TMPRSS11F: variants seen among roughly 807,000 people sequenced by gnomAD.
The protein encoded by TMPRSS11F is transmembrane protease serine 11F.
A neutral mutation model predicts 60.2 loss-of-function variants in TMPRSS11F; 47 were observed. The observed-to-expected ratio is 0.78, with a 90% CI of 0.62 to 1.00. The LOEUF is 1.00. TMPRSS11F is among the 50% of genes least tolerant of loss of function. The pLI, the probability that TMPRSS11F is intolerant of heterozygous loss-of-function variation, is 0.00. For synonymous variants in TMPRSS11F, 166 were observed against 167.3 expected (o/e 0.99, Z 0.06); for missense variants, 519 against 522.9 (o/e 0.99, Z 0.07).
intron 3 of TMPRSS11F, among the ~76,000 whole-genome samples, chr4:68,085,769 A>G (rs11939590): frequency 0.29 from 44,187 of 152,008 alleles, 6,499 homozygotes; most frequent in East Asian, 0.49. Context: ...CAAGAACGGT[A>G]AAGAAGGAAA....
chr4:68,115,055 A>G (rs1277789374), intron 1 of TMPRSS11F, among the ~76,000 whole-genome samples: 1 of 151,018 alleles, frequency 6.6e-6, no homozygotes, highest in Non-Finnish European at 1.5e-5. Context: ...TAGGGATAGA[A>G]GAAAAGTTTC....
intron 3 of TMPRSS11F, among the ~76,000 whole-genome samples, chr4:68,082,408 C>A (rs73825372): frequency 2.0e-5 from 3 of 152,196 alleles, no homozygotes; most frequent in African/African-American, 7.2e-5. Flanking sequence ...AGGCTCTCCC[C>A]CTTCCTCCAA....
At chr4:68,093,244 T>A (rs1330335649) in intron 2 of TMPRSS11F, among the ~76,000 whole-genome samples, 1 of 152,150 alleles carries the variant, frequency 6.6e-6, no homozygotes, top group East Asian at 1.9e-4. Flanking sequence ...GAAGTAAAAA[T>A]AATAGTATAC....
At position 68,102,873 on chromosome 4, in the gene TMPRSS11F, C is replaced by T. The variant is rs987000302; in HGVS notation, c.12-3835G>A. 6.6e-5 allele frequency among the ~76,000 whole-genome samples: 10 copies of T among 151,906 alleles called. No homozygotes were observed. In the East Asian group the frequency reaches 9.7e-4, roughly 15 times the overall value. On this transcript the variant is annotated intron_variant, in intron 1 of 9. Coordinates refer to ENST00000356291, the MANE Select transcript of TMPRSS11F (RefSeq NM_207407.2). ...TGTGGGTTGAGCTTTTGGTGTGATA[C>T]CCAAAAAATCACTGCCAAGGCCAAT...
chr4:68,085,084 A>G (rs1577921714), intron 3 of TMPRSS11F, among the ~76,000 whole-genome samples: 1 of 129,264 alleles, frequency 7.7e-6, no homozygotes, highest in Non-Finnish European at 1.6e-5. Flanking sequence ...TTATGGCTGC[A>G]TAGTATTCCA....
At chr4:68,058,569 C>A (rs1013188754) in intron 9 of TMPRSS11F, among the ~76,000 whole-genome samples, 4 of 152,186 alleles carry the variant, frequency 2.6e-5, no homozygotes, top group African/African-American at 9.7e-5. Context: ...TGTCTTCCTT[C>A]ATGAAGCTTA....
rs1205575804 is a variant in TMPRSS11F at position 68,064,935 on chromosome 4, G to T, written c.765C>A (p.Asp255Glu). 4 of 1,609,834 alleles carry T rather than the reference G, an allele frequency of 2.5e-6. No homozygotes were observed. The highest frequency in any genetic ancestry group is 3.4e-6 in the Non-Finnish European group (4 of 1,178,416). Residue 255 changes from aspartate to glutamate, a missense_variant, in exon 8 of 10, where the codon GAC becomes GAA. Physicochemically the swap from Asp to Glu is conservative, Grantham distance 45. Coordinates refer to ENST00000356291, the MANE Select transcript of TMPRSS11F (RefSeq NM_207407.2). ...CAAAAGTAGCAATCCATTGAGTTGGGTCTTTATTTCTGCAAAAAATTAAAA... is the reference window on the plus strand; with the variant it reads ...CAAAAGTAGCAATCCATTGAGTTGGTTCTTTATTTCTGCAAAAAATTAAAA... ...TAAHCFWKNKDPTQWIATFGA... is the reference protein window; with the variant it reads ...TAAHCFWKNKEPTQWIATFGA...
In TMPRSS11F at chr4:68,072,435, T is replaced by C. The variant is rs1339093970; in HGVS notation, c.402A>G (p.Pro134=). ...DILIVLIFRY[P]STDSAEQIKK... The stretch of plus-strand genomic sequence containing the variant: ...TGATTTGTTCAGCACTATCAGTAGA[T>C]GGGTATCGAAATATGAGCACTATAA... Residue 134 remains proline (P), a synonymous_variant, in exon 5 of 10, where the codon CCA becomes CCG. Transcript: ENST00000356291. The C allele has an allele frequency of 4.4e-6, 7 of 1,589,150 alleles. No homozygotes were observed. In the South Asian group the frequency reaches 8.0e-5, roughly 18 times the overall value.
Position 68,064,902 on chromosome 4 carries a change from A to G in TMPRSS11F, c.798T>C (p.Thr266=), listed in dbSNP as rs1443727938. 1 of 1,613,926 alleles carries G rather than the reference A, an allele frequency of 6.2e-7. No homozygotes were observed. The highest frequency in any genetic ancestry group is 1.3e-5 in the African/African-American group (1 of 74,944). ...PTQWIATFGA[T]ITPPAVKRNV... ...TTCGTTTCACTGCGGGTGGTGTTAT[A>G]GTTGCACCAAAAGTAGCAATCCATT... is the stretch of plus-strand genomic sequence containing the variant. Residue 266 remains threonine, a synonymous_variant, in exon 8 of 10, where the codon ACT becomes ACC. Transcript: ENST00000356291.
chr4:68,079,151 C>G (rs12501540), intron 3 of TMPRSS11F, among the ~76,000 whole-genome samples: 32,875 of 149,204 alleles, frequency 0.22, 4,033 homozygotes, highest in Admixed American at 0.38. Flanking sequence ...TGGACTGATT[C>G]TTTTGTTTAA....
Position 68,065,019 on chromosome 4 carries a change from C to T in TMPRSS11F, c.756-75G>A, listed in dbSNP as rs113859944. Reference sequence around the variant, plus strand: ...AAAAAGACTGAGACTGTATTTCTTCCCAACTGTCAGTATTATGCTCCTGAA... The same window carrying T: ...AAAAAGACTGAGACTGTATTTCTTCTCAACTGTCAGTATTATGCTCCTGAA... On this transcript the variant is annotated intron_variant, in intron 7 of 9. Transcript: ENST00000356291. The T allele has an allele frequency of 9.9e-4, 1,408 of 1,421,764 alleles. 15 individuals carry two copies. In the African/African-American group the frequency reaches 0.018, roughly 18 times the overall value. The allele number at this position is 1,421,764 out of a possible 1,614,324, so 88.1% of individuals were successfully genotyped here.
intron 2 of TMPRSS11F, among the ~76,000 whole-genome samples, chr4:68,092,592 T>G (rs1003341631): frequency 3.9e-5 from 6 of 152,170 alleles, no homozygotes; most frequent in Non-Finnish European, 7.4e-5. Flanking sequence ...TTAATCAATA[T>G]TTACCAAGTT....
chr4:68,059,357 C>A lies in TMPRSS11F; in HGVS notation c.1127G>T (p.Gly376Val). Residue 376 changes from glycine to valine, a missense_variant, in exon 9 of 10, where the codon GGA (glycine) becomes GTA (valine). By Grantham distance (109) the Gly-to-Val change is moderately radical. Transcript: ENST00000356291. ...GLITPGMLCA[G>V]FMEGKIDACK... ...TGCATCTATTTTTCCTTCCATGAAT[C>A]CAGCACATAACATTCCTGGAGTTAT... is the stretch of plus-strand genomic sequence containing the variant. 6.2e-7 allele frequency: 1 copy of A among 1,613,662 alleles called. No individual in the cohort carries two copies. Among genetic ancestry groups the A allele is most frequent in the Non-Finnish European group, 8.5e-7 (1 of 1,179,870 alleles).
chr4:68,101,890 C>T (rs1195025034), intron 1 of TMPRSS11F, among the ~76,000 whole-genome samples: 2 of 152,054 alleles, frequency 1.3e-5, no homozygotes, highest in Non-Finnish European at 2.9e-5. Context: ...ACATAGAATA[C>T]AATTTTATTA....
chr4:68,103,445 CAAAA>C (rs56223617), intron 1 of TMPRSS11F, among the ~76,000 whole-genome samples: 13 of 142,124 alleles, frequency 9.1e-5, no homozygotes, highest in Admixed American at 1.4e-4. Flanking sequence ...GACCCTGTCT[CAAAA>C]AAAAAAAAAA....
chr4:68,072,351 G>A lies in TMPRSS11F; in HGVS notation c.486C>T (p.Thr162=), dbSNP rs1360432867. 3.1e-6 allele frequency: 5 copies of A among 1,596,014 alleles called. No individual in the cohort carries two copies. The highest frequency in any genetic ancestry group is 1.1e-5 in the South Asian group (1 of 88,260). The change falls in exon 5 of 10, where the codon ACC becomes ACT. Residue 162 remains threonine, a synonymous_variant. Coordinates refer to ENST00000356291, the MANE Select transcript of TMPRSS11F (RefSeq NM_207407.2). ...QSLKTKQLSL[T]INKPSFRLTP... The stretch of plus-strand genomic sequence containing the variant: ...TGAGTCTAAATGATGGTTTGTTTAT[G>A]GTCAAAGACAATTGTTTGGTCTTCA...
chr4:68,055,083 C>T (rs1723016168), intron 9 of TMPRSS11F, among the ~76,000 whole-genome samples: 1 of 152,062 alleles, frequency 6.6e-6, no homozygotes, highest in Admixed American at 6.6e-5. Context: ...ATTGCAAATG[C>T]TCTGTGGCGC....
Position 68,062,774 on chromosome 4 carries a change from C to A in TMPRSS11F, c.1015+1911G>T, listed in dbSNP as rs112182803. ...AGTTTCCTTGTATACTGGATTTGGC[C>A]GCCCTCTGCGGATGGATATCTTGCA... is the stretch of plus-strand genomic sequence containing the variant. On this transcript the variant is annotated intron_variant, in intron 8 of 9. Coordinates refer to ENST00000356291, the MANE Select transcript of TMPRSS11F (RefSeq NM_207407.2). 1.1e-5 allele frequency: 8 copies of A among 743,852 alleles called. No individual in the cohort carries two copies. In the East Asian group the frequency reaches 2.1e-4, roughly 19 times the overall value. The allele number at this position is 743,852 out of a possible 1,614,324, so 46.1% of individuals were successfully genotyped here. A position where few individuals can be genotyped will look rare whatever the true frequency, so the allele number is the denominator to read the frequency against.
chr4:68,114,080 T>G (rs1010997114), intron 1 of TMPRSS11F, among the ~76,000 whole-genome samples: 5 of 151,922 alleles, frequency 3.3e-5, no homozygotes, highest in African/African-American at 9.7e-5. Flanking sequence ...TTGTTTTAAA[T>G]GAAAACATAA....
Sources: gnomAD v4.1 joint callset for allele counts (sites outside exome capture counted in the v4.1 genomes callset) on GRCh38, gnomAD v4.1.1 for gene constraint, MANE v1.5 for transcripts, NCBI Gene and HGNC (gene_info 2026-07-23, HGNC 2026-07-21) for gene names.